The following MTSS1 variants were observed in gnomAD, a reference collection of about 807,000 sequenced individuals.
MTSS1 encodes MTSS I-BAR domain containing 1.
Under a neutral mutation model 79.0 loss-of-function variants are expected in MTSS1, and 18 were observed. The ratio of observed to expected loss-of-function variants is 0.23; its 90% confidence interval spans 0.16 to 0.34. MTSS1 has a LOEUF of 0.34. MTSS1 is among the 10% of genes least tolerant of loss of function. The probability of loss-of-function intolerance (pLI) is 1.00; values close to 1 mark genes in which losing one functional copy is unlikely to be tolerated. For missense variants in MTSS1, 815 were observed against 986.2 expected, an observed-to-expected ratio of 0.83 and a Z score of 2.33; for synonymous variants, 341 against 368.6, an observed-to-expected ratio of 0.93 and a Z score of 0.86.
Position 124,551,655 on chromosome 8 carries a change from C to T in MTSS1, c.*1337G>A, listed in dbSNP as rs1490674542. 1 of 152,318 alleles carries T rather than the reference C, an allele frequency of 6.6e-6. No homozygotes were observed. The highest frequency in any genetic ancestry group is 1.5e-5 in the Non-Finnish European group (1 of 68,026). 9.4% of individuals were successfully genotyped at this position (152,318 alleles called of 1,614,324 possible). A position where few individuals can be genotyped will look rare whatever the true frequency, so the allele number is the denominator to read the frequency against. On this transcript the variant is annotated 3_prime_UTR_variant, in exon 14 of 14. Transcript: ENST00000518547. ...AAACACTATTGTCTTCAAATGTGAT[C>T]CCTTTAAATCTACAAATCTCTGTTG...
rs1289063164 is a variant in MTSS1, at chr8:124,551,711, AACTTCC to A, written c.*1275_*1280del. 1 of 152,008 alleles carries A rather than the reference AACTTCC, an allele frequency of 6.6e-6. No homozygotes were observed. The highest frequency in any genetic ancestry group is 1.5e-5 in the Non-Finnish European group (1 of 68,016). The allele number at this position is 152,008 out of a possible 1,614,324, so 9.4% of individuals were successfully genotyped here. ...AGGGGATGGGCAGTATAACAAATTTAACTTCCACTTAGAAAAGACAAATCTTTTCCA... is the reference window on the plus strand; with the variant it reads ...AGGGGATGGGCAGTATAACAAATTTAACTTAGAAAAGACAAATCTTTTCCA... On this transcript the variant is annotated 3_prime_UTR_variant, in exon 14 of 14. Transcript: ENST00000518547.
At chr8:124,569,744 A>C (rs1208348060) in intron 6 of MTSS1, among the ~76,000 whole-genome samples, 3 of 152,236 alleles carry the variant, frequency 2.0e-5, no homozygotes, top group Non-Finnish European at 4.4e-5. Flanking sequence ...GTTTCAACAC[A>C]AAATGTTAGA....
At chr8:124,615,690 T>C (rs951328412) in intron 3 of MTSS1, among the ~76,000 whole-genome samples, 4 of 152,306 alleles carry the variant, frequency 2.6e-5, no homozygotes, top group Admixed American at 2.0e-4. Flanking sequence ...AGACGGTATA[T>C]GTTATATTAT....
At chr8:124,610,035 T>C (rs1480366794) in intron 3 of MTSS1, among the ~76,000 whole-genome samples, 2 of 152,184 alleles carry the variant, frequency 1.3e-5, no homozygotes, top group Non-Finnish European at 2.9e-5. Context: ...TAGTTTGTGA[T>C]TCAAGGTCAT....
intron 3 of MTSS1, among the ~76,000 whole-genome samples, chr8:124,611,429 C>A (rs1835796608): frequency 6.6e-6 from 1 of 152,136 alleles, no homozygotes; most frequent in African/African-American, 2.4e-5. Flanking sequence ...CCGACCTGAA[C>A]ACACGACCTC....
At chr8:124,580,690 G>A in intron 6 of MTSS1, 1 of 1,100,728 alleles carries the variant, frequency 9.1e-7, no homozygotes, top group Non-Finnish European at 1.3e-6. Context: ...ACAGTCCATG[G>A]CTCGCCACCA....
intron 3 of MTSS1, chr8:124,673,363 AC>A (rs1447442226): frequency 6.7e-6 from 1 of 149,710 alleles, no homozygotes; most frequent in East Asian, 2.0e-4. Flanking sequence ...AGCCTGGGTG[AC>A]AGAGCAAGAC....
At chr8:124,631,588 T>A (rs1474486367) in intron 3 of MTSS1, among the ~76,000 whole-genome samples, 1 of 152,100 alleles carries the variant, frequency 6.6e-6, no homozygotes, top group Non-Finnish European at 1.5e-5. Context: ...TCATCCTGAG[T>A]CTGAGCATCT....
In MTSS1 at chr8:124,582,020, C is replaced by A. The variant is rs1160514308; in HGVS notation, c.460+3067G>T. On this transcript the variant is annotated intron_variant, in intron 6 of 13. Transcript: ENST00000518547. This position sits in a 1 kb window ranked among gnomAD's most constrained non-coding sequence, Gnocchi z 4.8. ...CTGGGTCCGCTCCACACCATCTCCC[C>A]AGCATCCTGCCGCCTCCGTCCCTCC... Among the ~76,000 whole-genome samples the A allele has an allele frequency of 2.0e-5, 3 of 152,132 alleles. No homozygotes were observed. The highest frequency in any genetic ancestry group is 7.2e-5 in the African/African-American group (3 of 41,426).
intron 3 of MTSS1, among the ~76,000 whole-genome samples, chr8:124,664,850 T>C (rs1415074475): frequency 6.6e-6 from 1 of 152,216 alleles, no homozygotes; most frequent in Non-Finnish European, 1.5e-5. Flanking sequence ...ACAGTAACAC[T>C]AGGAAGTAGA....
At chr8:124,682,960 C>T (rs540323738) in intron 3 of MTSS1, among the ~76,000 whole-genome samples, 27 of 152,280 alleles carry the variant, frequency 1.8e-4, no homozygotes, top group Admixed American at 1.4e-3. Flanking sequence ...ACCATTTTGT[C>T]TTGCTTTTTG....
chr8:124,567,250 T>C, intron 7 of MTSS1, 72 bp from the exon 8 acceptor site: 5 of 1,261,838 alleles, frequency 4.0e-6, no homozygotes, highest in Non-Finnish European at 5.8e-6. Flanking sequence ...CCAATTGTTT[T>C]CATTAGGGTC....
At chr8:124,709,088 A>C (rs1830783774) in intron 1 of MTSS1, among the ~76,000 whole-genome samples, 1 of 152,196 alleles carries the variant, frequency 6.6e-6, no homozygotes, top group African/African-American at 2.4e-5. Flanking sequence ...TAGAGGAAGT[A>C]AGAAAGGAGG....
chr8:124,669,594 G>C (rs965858638), intron 3 of MTSS1, among the ~76,000 whole-genome samples: 1 of 152,194 alleles, frequency 6.6e-6, no homozygotes, highest in Non-Finnish European at 1.5e-5. Flanking sequence ...ACTGCAGAAG[G>C]TTCCAGCCAA....
chr8:124,672,823 ACATGCACACACACACATG>A (rs1170034659), intron 3 of MTSS1, among the ~76,000 whole-genome samples: 11 of 151,932 alleles, frequency 7.2e-5, no homozygotes, highest in Non-Finnish European at 1.0e-4. Flanking sequence ...ATAAATACAC[ACATGCACACACACACATG>A]CATGCACACA....
chr8:124,562,464 T>C (rs1468605493), intron 10 of MTSS1, among the ~76,000 whole-genome samples: 1 of 152,194 alleles, frequency 6.6e-6, no homozygotes, highest in African/African-American at 2.4e-5. Context: ...AATTATAGCA[T>C]TTAATTATGC....
chr8:124,681,613 C>T (rs769321620), intron 3 of MTSS1, among the ~76,000 whole-genome samples: 2 of 152,090 alleles, frequency 1.3e-5, no homozygotes, highest in Non-Finnish European at 1.5e-5. Context: ...CATGGTGAAA[C>T]CCCATCTCTA....
At chr8:124,557,256 G>T (rs896828058) in intron 11 of MTSS1, among the ~76,000 whole-genome samples, 4 of 152,202 alleles carry the variant, frequency 2.6e-5, no homozygotes, top group Admixed American at 1.3e-4. Flanking sequence ...TAGGGAAAAT[G>T]GGAAACATGG....
chr8:124,699,456 C>T, intron 3 of MTSS1, 70 bp downstream of exon 3: 3 of 1,397,506 alleles, frequency 2.1e-6, no homozygotes, highest in African/African-American at 2.8e-5. Flanking sequence ...TCTTCTTGTG[C>T]AGCCACCCAA....
Sources: gnomAD v4.1 joint callset for allele counts (sites outside exome capture counted in the v4.1 genomes callset) on GRCh38, gnomAD v4.1.1 for gene constraint, Gnocchi (gnomAD v3.1) non-coding constraint, MANE v1.5 for transcripts, NCBI Gene and HGNC (gene_info 2026-07-23, HGNC 2026-07-21) for gene names.